GLUL: variants seen among roughly 807,000 people sequenced by gnomAD.
The protein encoded by GLUL is glutamine synthetase.
Under a neutral mutation model 36.9 loss-of-function variants are expected in GLUL, and 8 were observed. The observed-to-expected ratio is 0.22, with a 90% CI of 0.13 to 0.39. The LOEUF is 0.39. GLUL is among the 10% of genes least tolerant of loss of function. The pLI is 1.00. For missense variants in GLUL, 315 were observed against 501.8 expected (o/e 0.63, Z 3.56); for synonymous variants, 182 against 172.8 (o/e 1.05, Z -0.42).
chr1:182,390,413 G>T, intron 1 of GLUL: 2 of 398,224 alleles, frequency 5.0e-6, no homozygotes, highest in Non-Finnish European at 8.8e-6. Flanking sequence ...CCAAGTTTAC[G>T]TGGGGGAAAT....
In GLUL at chr1:182,380,057, C is replaced by T. The variant is rs746687765; in HGVS notation, c.*4348G>A. ...CACAGCTTGTTTCACCATATTGGCC[C>T]GGCTGGTCTCAAACTCCCGATCTCA... On this transcript the variant is annotated 3_prime_UTR_variant, in exon 7 of 7. Coordinates refer to ENST00000331872, the MANE Select transcript of GLUL (RefSeq NM_001033044.4). 2.7e-5 allele frequency among the ~76,000 whole-genome samples: 4 copies of T among 149,310 alleles called. No homozygotes were observed. The highest frequency in any genetic ancestry group is 2.7e-4 in the Admixed American group (4 of 15,036).
intron 2 of GLUL, among the ~76,000 whole-genome samples, chr1:182,387,786 G>A (rs916778565): frequency 1.3e-5 from 2 of 152,148 alleles, no homozygotes; most frequent in African/African-American, 4.8e-5. Context: ...CCACTGTTTT[G>A]AAGGCTGCTT....
chr1:182,384,390 G>A lies in GLUL; in HGVS notation c.*15C>T, dbSNP rs1650075362. On this transcript the variant is annotated 3_prime_UTR_variant, in exon 7 of 7. Coordinates refer to ENST00000331872, the MANE Select transcript of GLUL (RefSeq NM_001033044.4). Reference sequence around the variant, plus strand: ...AAGAACTAGGAGGGGCTCAACAGCTGGAGGTCTAGTCCACTTAATTTTTGT... The same window carrying A: ...AAGAACTAGGAGGGGCTCAACAGCTAGAGGTCTAGTCCACTTAATTTTTGT... 5.7e-6 allele frequency: 9 copies of A among 1,572,294 alleles called. No individual in the cohort carries two copies. Among genetic ancestry groups the A allele is most frequent in the Non-Finnish European group, 7.0e-6 (8 of 1,142,674 alleles).
At chr1:182,387,449 C>T (rs531356141) in intron 2 of GLUL, among the ~76,000 whole-genome samples, 157 bp from the exon 3 acceptor site, 1 of 152,300 alleles carries the variant, frequency 6.6e-6, no homozygotes, top group South Asian at 2.1e-4. Context: ...TATACCCTGG[C>T]ACCTGTACCT....
chr1:182,386,640 C>G (rs1650195802), intron 3 of GLUL: 1 of 573,190 alleles, frequency 1.7e-6, no homozygotes, highest in Admixed American at 2.8e-5. Context: ...CAGTTACAAC[C>G]AAGTCACATG....
At chr1:182,387,926 T>C (rs1159849098) in intron 2 of GLUL, among the ~76,000 whole-genome samples, 1 of 152,220 alleles carries the variant, frequency 6.6e-6, no homozygotes, top group African/African-American at 2.4e-5. Flanking sequence ...ATCATTCACT[T>C]ACTCAAAAAG....
chr1:182,386,721 G>A (rs1650198714), intron 3 of GLUL: 1 of 475,284 alleles, frequency 2.1e-6, no homozygotes, highest in African/African-American at 2.0e-5. Context: ...CCAAATGCCA[G>A]GCACTTAACC....
chr1:182,389,405 ATTTT>A (rs56029235), intron 1 of GLUL: 89,616 of 152,608 alleles, frequency 0.59, 27,171 homozygotes, highest in East Asian at 0.83. Flanking sequence ...GTTACAATAT[ATTTT>A]TTTAGAAGGC....
chr1:182,382,899 T>C lies in GLUL; in HGVS notation c.*1506A>G, dbSNP rs571646413. On this transcript the variant is annotated 3_prime_UTR_variant, in exon 7 of 7. Coordinates refer to ENST00000331872, the MANE Select transcript of GLUL (RefSeq NM_001033044.4). ...TCACAAACACATCAGAGAGATCTTA[T>C]GTTAGGCTGATTTATAAGTGCTGCT... 20 of 152,184 alleles carry C rather than the reference T, an allele frequency of 1.3e-4. No homozygotes were observed. In the South Asian group the frequency reaches 3.7e-3, roughly 28 times the overall value. The allele number at this position is 152,184 out of a possible 1,614,324, so 9.4% of individuals were successfully genotyped here. A position where few individuals can be genotyped will look rare whatever the true frequency, so the allele number is the denominator to read the frequency against.
intron 1 of GLUL, 25 bp downstream of exon 1, chr1:182,391,654 G>A (rs1170053629): frequency 6.3e-6 from 1 of 158,962 alleles, no homozygotes; most frequent in Admixed American, 6.5e-5. Flanking sequence ...TCGCTTGCGT[G>A]ACACCGGGCC....
Position 182,388,817 on chromosome 1 carries a change from C to CG in GLUL, c.-13-68_-13-67insC, listed in dbSNP as rs375316560. ...AAACTGATCCCCTGCAAAAATGGCT[C>CG]AAGAAGGACGACTGAATCAAAAGTC... On this transcript the variant is annotated intron_variant, in intron 1 of 6. Coordinates refer to ENST00000331872, the MANE Select transcript of GLUL (RefSeq NM_001033044.4). 3,734 of 1,228,006 alleles carry CG rather than the reference C, an allele frequency of 3.0e-3. 7 individuals carry two copies. The highest frequency in any genetic ancestry group is 3.4e-3 in the Non-Finnish European group (2,828 of 831,216). 76.1% of individuals were successfully genotyped at this position (1,228,006 alleles called of 1,614,324 possible). A position where few individuals can be genotyped will look rare whatever the true frequency, so the allele number is the denominator to read the frequency against.
At chr1:182,390,825 T>G in intron 1 of GLUL, 1 of 392,482 alleles carries the variant, frequency 2.5e-6, no homozygotes, top group Non-Finnish European at 4.4e-6. Flanking sequence ...GCTTTCTTCG[T>G]GGACTTGCGG....
chr1:182,381,238 C>T lies in GLUL; in HGVS notation c.*3167G>A, dbSNP rs1375230111. Among the ~76,000 whole-genome samples the T allele has an allele frequency of 1.3e-5, 2 of 152,190 alleles. No homozygotes were observed. The highest frequency in any genetic ancestry group is 3.8e-4 in the East Asian group (2 of 5,198). On this transcript the variant is annotated 3_prime_UTR_variant, in exon 7 of 7. Coordinates refer to ENST00000331872, the MANE Select transcript of GLUL (RefSeq NM_001033044.4). ...GCCAAGATTGCGCCACACTATACTC[C>T]AGCCTGGGTGAGAGTCAGACCCCGT...
chr1:182,379,409 GAC>G lies in GLUL; in HGVS notation c.*4994_*4995del. Among the ~76,000 whole-genome samples the G allele has an allele frequency of 6.6e-6, 1 of 152,064 alleles. No homozygotes were observed. The highest frequency in any genetic ancestry group is 2.0e-4 in the East Asian group (1 of 5,128). On this transcript the variant is annotated 3_prime_UTR_variant, in exon 7 of 7. Transcript: ENST00000331872. ...TGCTAATTTTGGTATTTTTAATAGA[GAC>G]AAGGTTTCACCATGTTGGCCACGCT...
rs200833075 is a variant in GLUL, at chr1:182,385,832, C to T, written c.531G>A (p.Glu177=). 4.4e-5 allele frequency: 71 copies of T among 1,613,704 alleles called. No individual in the cohort carries two copies. Among genetic ancestry groups the T allele is most frequent in the Non-Finnish European group, 6.0e-5 (71 of 1,179,704 alleles). Residue 177 remains glutamate, a synonymous_variant, in exon 5 of 7, where the codon GAG becomes GAA. Coordinates refer to ENST00000331872, the MANE Select transcript of GLUL (RefSeq NM_001033044.4). ...ADRAYGRDIV[E]AHYRACLYAG... ...CATACAAGCAGGCCCGGTAATGGGC[C>T]TCCACGATGTCCCTGCCATAGGCTC... is the stretch of plus-strand genomic sequence containing the variant.
Position 182,385,443 on chromosome 1 carries a change from A to G in GLUL, c.717T>C (p.Asp239=), listed in dbSNP as rs1201525973. ...CEDFGVIATF[D]PKPIPGNWNG... is the part of the protein sequence containing the mutation. ...TCCAGTTCCCAGGAATGGGCTTAGGATCAAAGGTTGCTATCACTCCAAAGT... is the reference window on the plus strand; with the variant it reads ...TCCAGTTCCCAGGAATGGGCTTAGGGTCAAAGGTTGCTATCACTCCAAAGT... Residue 239 remains aspartate (D), a synonymous_variant, in exon 6 of 7, where the codon GAT becomes GAC. Coordinates refer to ENST00000331872, the MANE Select transcript of GLUL (RefSeq NM_001033044.4). The G allele has an allele frequency of 6.2e-7, 1 of 1,613,868 alleles. No homozygotes were observed.
chr1:182,391,391 C>T (rs1271900861), intron 1 of GLUL: 2 of 396,752 alleles, frequency 5.0e-6, no homozygotes, highest in Non-Finnish European at 8.9e-6. Flanking sequence ...GGCGGCGCTT[C>T]GGCCGCAAGT....
In GLUL at chr1:182,380,898, G is replaced by A. The variant is rs1235455191; in HGVS notation, c.*3507C>T. Reference sequence around the variant, plus strand: ...GGTAAAAGGGCCAAGAATAGTTCAGGAACTTCTCATCCACTTGTCTACCCT... The same window carrying A: ...GGTAAAAGGGCCAAGAATAGTTCAGAAACTTCTCATCCACTTGTCTACCCT... On this transcript the variant is annotated 3_prime_UTR_variant, in exon 7 of 7. Transcript: ENST00000331872. Among the ~76,000 whole-genome samples the A allele has an allele frequency of 6.6e-6, 1 of 152,182 alleles. No homozygotes were observed. The highest frequency in any genetic ancestry group is 1.5e-5 in the Non-Finnish European group (1 of 68,034).
rs1339017604 is a variant in GLUL at position 182,385,570 on chromosome 1, G to A, written c.604-14C>T. 6.2e-7 allele frequency: 1 copy of A among 1,612,324 alleles called. No homozygotes were observed. The highest frequency in any genetic ancestry group is 1.7e-5 in the Admixed American group (1 of 60,020). ...CTGAAATTCCCACTAGAAACGAGAAGCTTGGCCATTAAAACAAAGCTAACT... is the reference window on the plus strand; with the variant it reads ...CTGAAATTCCCACTAGAAACGAGAAACTTGGCCATTAAAACAAAGCTAACT... On this transcript the variant is annotated splice_polypyrimidine_tract_variant and intron_variant, in intron 5 of 6. Coordinates refer to ENST00000331872, the MANE Select transcript of GLUL (RefSeq NM_001033044.4).
Sources: gnomAD v4.1 joint callset for allele counts (sites outside exome capture counted in the v4.1 genomes callset) on GRCh38, gnomAD v4.1.1 for gene constraint, MANE v1.5 for transcripts, NCBI Gene and HGNC (gene_info 2026-07-23, HGNC 2026-07-21) for gene names.